Variants in PAN2 observed in about 807,000 individuals in gnomAD.
PAN2 encodes PAN2-PAN3 deadenylation complex catalytic subunit PAN2.
PAN2 carries 68 observed loss-of-function variants against 133.3 expected under a neutral mutation model. The observed-to-expected ratio is 0.51, with a 90% CI of 0.42 to 0.62. The LOEUF is 0.62. Ranked by LOEUF, PAN2 falls within the 20% of genes least tolerant of loss-of-function variation. PAN2 has a pLI of 0.00. For synonymous variants in PAN2, 462 were observed against 544.6 expected (o/e 0.85, Z 2.11); for missense variants, 1,042 against 1,500.5 (o/e 0.69, Z 5.05).
At chr12:56,317,858 G>A (rs777079486) in intron 25 of PAN2, among the ~76,000 whole-genome samples, 13 of 152,194 alleles carry the variant, frequency 8.5e-5, no homozygotes, top group Non-Finnish European at 1.5e-4. Flanking sequence ...AAACTGTTAA[G>A]TGCTATTCTC....
chr12:56,326,840 A>G lies in PAN2; in HGVS notation c.1039T>C (p.Phe347Leu), dbSNP rs369072199. ...DVSASKQALA[F>L]GDSEGCVHLW... ...TGCACACAGCCCTCAGAATCCCCAAAGGCCAGAGCCTGCTTGCTGGCTGAC... is the reference window on the plus strand; with the variant it reads ...TGCACACAGCCCTCAGAATCCCCAAGGGCCAGAGCCTGCTTGCTGGCTGAC... The change falls in exon 7 of 26, where the codon TTT becomes CTT. Residue 347 changes from phenylalanine (F) to leucine (L), a missense_variant. Phe to Leu is a conservative substitution (Grantham distance 22, BLOSUM62 0). This residue lies in a region of PAN2 where 908 missense variants were observed against 1,223.5 expected (regional missense o/e 0.74). Coordinates refer to ENST00000440411, the MANE Select transcript of PAN2 (RefSeq NM_014871.6). 70 of 1,614,062 alleles carry G rather than the reference A, an allele frequency of 4.3e-5. No individual in the cohort carries two copies. Among genetic ancestry groups the G allele is most frequent in the Non-Finnish European group, 5.7e-5 (67 of 1,180,032 alleles).
chr12:56,317,682 T>G (rs1178404647), intron 25 of PAN2, 39 bp from the exon 26 acceptor site: 1 of 1,591,320 alleles, frequency 6.3e-7, no homozygotes, highest in African/African-American at 1.3e-5. Flanking sequence ...TCAAGCTGAG[T>G]GGAGAAAAAG....
chr12:56,326,388 T>C lies in PAN2; in HGVS notation c.1284A>G (p.Ala428=), dbSNP rs1875130341. The C allele has an allele frequency of 1.3e-6, 2 of 1,599,200 alleles. No individual in the cohort carries two copies. The highest frequency in any genetic ancestry group is 2.2e-5 in the South Asian group (2 of 89,458). Residue 428 remains alanine (A), a synonymous_variant, in exon 8 of 26, where the codon GCA becomes GCG. Transcript: ENST00000440411. The part of the protein sequence containing the change: ...PAPRRAPPVD[A]EILRTMKKVG... Reference sequence around the variant, plus strand: ...CCTTCTTCATGGTGCGCAGAATCTCTGCATCCACGGGTGGTGCTCGCCTAC... The same window carrying C: ...CCTTCTTCATGGTGCGCAGAATCTCCGCATCCACGGGTGGTGCTCGCCTAC...
rs765497511 is a variant in PAN2, at chr12:56,326,651, C to A, written c.1228G>T (p.Asp410Tyr). The A allele has an allele frequency of 1.2e-6, 2 of 1,613,652 alleles. No individual in the cohort carries two copies. The highest frequency in any genetic ancestry group is 1.7e-6 in the Non-Finnish European group (2 of 1,179,792). ...GGAGCAGAGTTGGCAGCAGGCCAATCAGAGAGAAGTGTGTCAGTGGTGAGT... is the reference window on the plus strand; with the variant it reads ...GGAGCAGAGTTGGCAGCAGGCCAATAAGAGAGAAGTGTGTCAGTGGTGAGT... Reference protein sequence around the residue: ...VPLTTDTLLSDWPAANSAPAP... With the variant: ...VPLTTDTLLSYWPAANSAPAP... Residue 410 changes from aspartate to tyrosine, a missense_variant, in exon 7 of 26, where the codon GAT becomes TAT. This residue lies in a region of PAN2 where 908 missense variants were observed against 1,223.5 expected (regional missense o/e 0.74). Coordinates refer to ENST00000440411, the MANE Select transcript of PAN2 (RefSeq NM_014871.6).
intron 5 of PAN2, 120 bp from the exon 6 acceptor site, chr12:56,327,751 G>C (rs1005337174): frequency 6.9e-5 from 91 of 1,310,612 alleles, no homozygotes; most frequent in Non-Finnish European, 9.4e-5. Flanking sequence ...GAAAGTTAAA[G>C]CACAGAAAAG....
rs550567332 is a variant in PAN2, at chr12:56,332,629, C to T, written c.282+184G>A. ...AAAAAAAAAAAAAAAAGGGATGCCTCCTGAGAAAGAATATGTCATTTACTC... is the reference window on the plus strand; with the variant it reads ...AAAAAAAAAAAAAAAAGGGATGCCTTCTGAGAAAGAATATGTCATTTACTC... On this transcript the variant is annotated intron_variant, in intron 2 of 25. Coordinates refer to ENST00000440411, the MANE Select transcript of PAN2 (RefSeq NM_014871.6). The T allele has an allele frequency of 6.7e-6, 4 of 600,838 alleles. No homozygotes were observed. In the South Asian group the frequency reaches 9.0e-5, roughly 14 times the overall value. The allele number at this position is 600,838 out of a possible 1,614,324, so 37.2% of individuals were successfully genotyped here. A position where few individuals can be genotyped will look rare whatever the true frequency, so the allele number is the denominator to read the frequency against.
At chr12:56,333,360 T>G in intron 1 of PAN2, 152 bp from the exon 2 acceptor site, 2 of 496,484 alleles carry the variant, frequency 4.0e-6, no homozygotes, top group Non-Finnish European at 3.7e-6. Flanking sequence ...GGATGGGCAG[T>G]GGGGGTGGAG....
At position 56,324,033 on chromosome 12, in the gene PAN2, A is replaced by C; in HGVS notation, c.2065+16T>G. 6.2e-7 allele frequency: 1 copy of C among 1,614,176 alleles called. No homozygotes were observed. The highest frequency in any genetic ancestry group is 1.1e-5 in the South Asian group (1 of 91,088). On this transcript the variant is annotated intron_variant, in intron 13 of 25. Coordinates refer to ENST00000440411, the MANE Select transcript of PAN2 (RefSeq NM_014871.6). ...AGCCTTCCCAACTGAGCTGAAGGGTATACCACTTTTGCTACCATCAGGGTA... is the reference window on the plus strand; with the variant it reads ...AGCCTTCCCAACTGAGCTGAAGGGTCTACCACTTTTGCTACCATCAGGGTA...
At position 56,319,952 on chromosome 12, in the gene PAN2, T is replaced by C. The variant is rs1464842694; in HGVS notation, c.2858A>G (p.His953Arg). Residue 953 changes from histidine to arginine, a missense_variant, in exon 21 of 26, where the codon CAT (histidine) becomes CGT (arginine). His to Arg is a conservative substitution (Grantham distance 29). This residue lies in a region of PAN2 where 908 missense variants were observed against 1,223.5 expected (regional missense o/e 0.74). Transcript: ENST00000440411. This position sits in a 1 kb window ranked among gnomAD's most constrained non-coding sequence, Gnocchi z 5.4. Reference protein sequence around the residue: ...ASLARKQRKTHTTFIPLMLNE... With the variant: ...ASLARKQRKTRTTFIPLMLNE... The stretch of plus-strand genomic sequence containing the variant: ...CAGCATCAGTGGAATAAAGGTAGTA[T>C]GTGTTTTCCGCTGCTTCCGTGCCAG... The C allele has an allele frequency of 3.7e-6, 6 of 1,614,166 alleles. No homozygotes were observed. In the Admixed American group the frequency reaches 5.0e-5, roughly 13 times the overall value.
At chr12:56,328,663 G>A (rs1875391065) in intron 2 of PAN2, 22 bp from the exon 3 acceptor site, 7 of 1,608,912 alleles carry the variant, frequency 4.4e-6, no homozygotes, top group Non-Finnish European at 6.0e-6. Context: ...AAAGACAACA[G>A]AGACACTTAG....
chr12:56,318,161 A>G (rs1874118631), intron 25 of PAN2, 76 bp downstream of exon 25: 8 of 1,210,058 alleles, frequency 6.6e-6, no homozygotes, highest in Non-Finnish European at 9.8e-6. Context: ...TGGGTGACAG[A>G]GTGAGACCCT....
At chr12:56,327,761 G>T in intron 5 of PAN2, 130 bp from the exon 6 acceptor site, 1 of 1,283,124 alleles carries the variant, frequency 7.8e-7, no homozygotes, top group Non-Finnish European at 1.1e-6. Context: ...GCACAGAAAA[G>T]GCAAACAGAG....
chr12:56,330,939 T>C (rs1219263810), intron 2 of PAN2, among the ~76,000 whole-genome samples: 1 of 152,036 alleles, frequency 6.6e-6, no homozygotes, highest in Admixed American at 6.6e-5. Flanking sequence ...GCTGGGATTA[T>C]AGGAACCTGC....
At chr12:56,317,728 G>C in intron 25 of PAN2, 85 bp from the exon 26 acceptor site, 1 of 1,154,216 alleles carries the variant, frequency 8.7e-7, no homozygotes, top group Non-Finnish European at 1.3e-6. Flanking sequence ...AAAAATGCAA[G>C]AGAAAAAAGG....
chr12:56,330,276 A>T (rs1875626000), intron 2 of PAN2, among the ~76,000 whole-genome samples: 2 of 152,168 alleles, frequency 1.3e-5, no homozygotes, highest in South Asian at 4.1e-4. Flanking sequence ...AATTAAAACA[A>T]AACACTACAA....
Position 56,325,461 on chromosome 12 carries a change from AT to A in PAN2, c.1360-8del, listed in dbSNP as rs1368361955. 5.0e-6 allele frequency: 8 copies of A among 1,613,410 alleles called. No homozygotes were observed. Among genetic ancestry groups the A allele is most frequent in the Non-Finnish European group, 6.8e-6 (8 of 1,179,748 alleles). On this transcript the variant is annotated splice_region_variant and splice_polypyrimidine_tract_variant and intron_variant, in intron 8 of 25. Coordinates refer to ENST00000440411, the MANE Select transcript of PAN2 (RefSeq NM_014871.6). ...CCTTGAGTCTGTAGGGTATCTAGGG[AT>A]TTTAGGAAGAGGTAACCTTGTTGGA...
chr12:56,323,499 C>A lies in PAN2; in HGVS notation c.2271+1G>T. 6.2e-7 allele frequency: 1 copy of A among 1,613,246 alleles called. No individual in the cohort carries two copies. The highest frequency in any genetic ancestry group is 8.5e-7 in the Non-Finnish European group (1 of 1,179,178). On this transcript the variant is annotated splice_donor_variant, in intron 15 of 25. Coordinates refer to ENST00000440411, the MANE Select transcript of PAN2 (RefSeq NM_014871.6). LOFTEE classifies it high-confidence loss of function. ...GCCTTGTTTCTAGTCTGAGTCCTTA[C>A]CTCAGCCTGCATTCTCCAGAAATCA... is the stretch of plus-strand genomic sequence containing the variant.
chr12:56,331,243 T>C (rs1487626009), intron 2 of PAN2, among the ~76,000 whole-genome samples: 1 of 152,254 alleles, frequency 6.6e-6, no homozygotes, highest in Admixed American at 6.5e-5. Context: ...AATAAATGTC[T>C]ACCTCTTCCA....
At chr12:56,322,296 G>A in intron 19 of PAN2, 127 bp downstream of exon 19, 1 of 1,050,832 alleles carries the variant, frequency 9.5e-7, no homozygotes, top group African/African-American at 1.6e-5. Context: ...AAGTGCTAAT[G>A]GTTTTTATTC....
Sources: allele counts gnomAD v4.1 joint callset (sites outside exome capture counted in the v4.1 genomes callset), GRCh38; gene constraint gnomAD v4.1.1; regional missense constraint gnomAD v4.1.1; non-coding constraint Gnocchi (gnomAD v3.1); transcripts MANE v1.5; gene names NCBI Gene and HGNC (gene_info 2026-07-23, HGNC 2026-07-21).